NPAS3: variants seen among roughly 807,000 people sequenced by gnomAD.
NPAS3 encodes the protein neuronal PAS domain-containing protein 3.
A neutral mutation model predicts 73.1 loss-of-function variants in NPAS3; 14 were observed. The ratio of observed to expected loss-of-function variants is 0.19; its 90% CI spans 0.13 to 0.30. The LOEUF is 0.30. Ranked by LOEUF, NPAS3 falls within the 10% of genes least tolerant of loss-of-function variation. The pLI is 1.00. For synonymous variants in NPAS3, 620 were observed against 541.5 expected, an observed-to-expected ratio of 1.14 and a Z score of -2.01; for missense variants, 1,096 against 1,250.0, an observed-to-expected ratio of 0.88 and a Z score of 1.86.
intron 6 of NPAS3, among the ~76,000 whole-genome samples, chr14:33,676,689 A>G (rs1235233200): frequency 6.6e-6 from 1 of 152,184 alleles, no homozygotes; most frequent in Non-Finnish European, 1.5e-5. Flanking sequence ...TCTTCATTTT[A>G]TTGTTACCAT....
In NPAS3 at chr14:33,800,584, C is replaced by G; in HGVS notation, c.2277C>G (p.His759Gln). 1 of 1,304,114 alleles carries G rather than the reference C, an allele frequency of 7.7e-7. No homozygotes were observed. Among genetic ancestry groups the G allele is most frequent in the Non-Finnish European group, 9.7e-7 (1 of 1,035,036 alleles). 80.8% of individuals were successfully genotyped at this position (1,304,114 alleles called of 1,614,324 possible). ...TCTCGGCGTCCCCGCGGGACAAGCA[C>G]CCCGGGAACGGCGGCGGGGGCGGGG... Residue 759 changes from histidine (H) to glutamine (Q), a missense_variant, in exon 12 of 12, where the codon CAC becomes CAG. His to Gln is a conservative substitution (Grantham distance 24). This residue lies in a region of NPAS3 where 698 missense variants were observed against 676.7 expected (regional missense o/e 1.03). Coordinates refer to ENST00000356141, the Ensembl canonical transcript of NPAS3. The surrounding 1 kb of genome is among the most constrained non-coding windows in gnomAD (Gnocchi z 6.5).
intron 2 of NPAS3, among the ~76,000 whole-genome samples, chr14:33,152,535 G>A (rs2044487198): frequency 6.6e-6 from 1 of 152,074 alleles, no homozygotes; most frequent in Non-Finnish European, 1.5e-5. Flanking sequence ...AGTTTGCTGG[G>A]AAAGGGTATA....
chr14:33,169,403 A>C (rs1164265923), intron 2 of NPAS3, among the ~76,000 whole-genome samples: 2 of 152,114 alleles, frequency 1.3e-5, no homozygotes, highest in Admixed American at 6.5e-5. Context: ...CCCCCTCTCT[A>C]CTAAAAATAT....
intron 4 of NPAS3, among the ~76,000 whole-genome samples, chr14:33,494,630 A>G (rs150580201): frequency 1.3e-5 from 2 of 152,258 alleles, no homozygotes; most frequent in East Asian, 1.9e-4. Context: ...TAAAGTTTCA[A>G]AGGTCAGAAA....
intron 4 of NPAS3, among the ~76,000 whole-genome samples, chr14:33,557,126 G>A (rs1375885388): frequency 6.6e-6 from 1 of 152,118 alleles, no homozygotes; most frequent in Non-Finnish European, 1.5e-5. Context: ...TCCCAAACTT[G>A]TAGGAAGGAA....
chr14:33,276,843 T>G (rs1325722382), intron 3 of NPAS3, among the ~76,000 whole-genome samples: 1 of 152,124 alleles, frequency 6.6e-6, no homozygotes, highest in Non-Finnish European at 1.5e-5. Flanking sequence ...ATAGAAAATT[T>G]TGTTTCTTCT....
intron 3 of NPAS3, among the ~76,000 whole-genome samples, chr14:33,258,488 T>A (rs1785874534): frequency 6.6e-6 from 1 of 152,204 alleles, no homozygotes; most frequent in Non-Finnish European, 1.5e-5. Context: ...GACGTAGTGT[T>A]ATGTTGTAGG....
chr14:33,410,233 A>G (rs533827096), intron 4 of NPAS3, among the ~76,000 whole-genome samples: 5 of 152,280 alleles, frequency 3.3e-5, no homozygotes, highest in African/African-American at 1.2e-4. Flanking sequence ...TTTTCTGCCT[A>G]CAGTTACATT....
At chr14:33,718,120 A>T (rs1459754385) in intron 6 of NPAS3, among the ~76,000 whole-genome samples, 2 of 152,106 alleles carry the variant, frequency 1.3e-5, no homozygotes, top group African/African-American at 4.8e-5. Context: ...CTGACTTGCA[A>T]ACTCAAGCTA....
At chr14:33,758,856 C>A (rs907659862) in intron 7 of NPAS3, among the ~76,000 whole-genome samples, 68 of 152,302 alleles carry the variant, frequency 4.5e-4, no homozygotes, top group African/African-American at 1.6e-3. Context: ...AAGGTAATTT[C>A]CTGGTAACCC....
rs144987942 is a variant in NPAS3, at chr14:33,761,031, G to A, written c.853-13306G>A. Among the ~76,000 whole-genome samples, 398 of 152,226 alleles carry A rather than the reference G, an allele frequency of 2.6e-3. 3 individuals carry two copies. The highest frequency in any genetic ancestry group is 9.2e-3 in the African/African-American group (383 of 41,528). ...ACTGGCTGTGTGGAGAATCACCTAA[G>A]GTAATGATAGAGCTACCAAGAACTA... On this transcript the variant is annotated intron_variant, in intron 7 of 11. Coordinates refer to ENST00000356141, the Ensembl canonical transcript of NPAS3.
intron 2 of NPAS3, among the ~76,000 whole-genome samples, chr14:33,074,440 G>T (rs1054621525): frequency 6.6e-6 from 1 of 151,996 alleles, no homozygotes; most frequent in Non-Finnish European, 1.5e-5. Context: ...TTTTTGAGAC[G>T]GAGTCTTGCT....
rs549600747 is a variant in NPAS3 at position 33,600,972 on chromosome 14, A to AT, written c.558+40771dup. 1.3e-3 allele frequency among the ~76,000 whole-genome samples: 191 copies of AT among 151,394 alleles called. 3 individuals are homozygous for AT. Among genetic ancestry groups the AT allele is most frequent in the African/African-American group, 4.2e-3 (172 of 41,232 alleles). ...GCACTGCATTCTGGGGTAAGCAGAC[A>AT]TTTTTTTTTCAAAAGGTTCTAACAG... On this transcript the variant is annotated intron_variant, in intron 5 of 11. Coordinates refer to ENST00000356141, the Ensembl canonical transcript of NPAS3.
intron 4 of NPAS3, among the ~76,000 whole-genome samples, chr14:33,434,419 T>C (rs543875221): frequency 2.0e-5 from 3 of 151,188 alleles, no homozygotes; most frequent in African/African-American, 7.3e-5. Context: ...TCCAGCTGCT[T>C]GGGAGGCTGA....
chr14:32,966,014 A>G (rs1313946172), intron 1 of NPAS3, among the ~76,000 whole-genome samples: 3 of 152,188 alleles, frequency 2.0e-5, no homozygotes, highest in African/African-American at 7.2e-5. Flanking sequence ...GACTTCTACC[A>G]TGAAAACTAT....
rs180786850 is a variant in NPAS3 at position 33,521,219 on chromosome 14, G to A, written c.469-38902G>A. On this transcript the variant is annotated intron_variant, in intron 4 of 11. Transcript: ENST00000356141. ...CTACATTAGACCTAAGAGGTCTGAG[G>A]GTTCTTCAGAAGACAAAGAATTTCT... Among the ~76,000 whole-genome samples, 424 of 152,206 alleles carry A rather than the reference G, an allele frequency of 2.8e-3. 3 individuals are homozygous for A. The highest frequency in any genetic ancestry group is 9.3e-3 in the African/African-American group (388 of 41,540).
chr14:33,726,303 T>G (rs2061262748), intron 6 of NPAS3, among the ~76,000 whole-genome samples: 1 of 152,220 alleles, frequency 6.6e-6, no homozygotes, highest in Admixed American at 6.5e-5. Context: ...AAATATTTCC[T>G]TGGTGGCCTA....
At chr14:33,231,114 T>C (rs2047834438) in intron 3 of NPAS3, among the ~76,000 whole-genome samples, 2 of 152,352 alleles carry the variant, frequency 1.3e-5, no homozygotes, top group Middle Eastern at 3.4e-3. Context: ...TGTTTGCTCG[T>C]GCAAGCTTGC....
At chr14:33,539,628 G>C (rs888093408) in intron 4 of NPAS3, among the ~76,000 whole-genome samples, 2 of 152,038 alleles carry the variant, frequency 1.3e-5, no homozygotes, top group South Asian at 4.2e-4. Context: ...CCATCCCCAA[G>C]CCCCACGTCC....
Sources: allele counts gnomAD v4.1 joint callset (sites outside exome capture counted in the v4.1 genomes callset), GRCh38; gene constraint gnomAD v4.1.1; regional missense constraint gnomAD v4.1.1; non-coding constraint Gnocchi (gnomAD v3.1); transcripts MANE v1.5; gene names NCBI Gene and HGNC (gene_info 2026-07-23, HGNC 2026-07-21).